PPP4R1: variants seen among roughly 807,000 people sequenced by gnomAD.
The protein encoded by PPP4R1 is serine/threonine-protein phosphatase 4 regulatory subunit 1.
PPP4R1 carries 42 observed loss-of-function variants against 111.2 expected under a neutral mutation model. The observed-to-expected ratio is 0.38, with a 90% confidence interval of 0.29 to 0.49. The LOEUF is 0.49. Ranked by LOEUF, PPP4R1 falls within the 20% of genes least tolerant of loss-of-function variation. The pLI is 0.97. For synonymous variants in PPP4R1, 409 were observed against 405.5 expected (o/e 1.01, Z -0.10); for missense variants, 1,012 against 1,161.6 (o/e 0.87, Z 1.87).
chr18:9,562,485 G>A (rs995132577), intron 12 of PPP4R1, among the ~76,000 whole-genome samples: 1 of 151,992 alleles, frequency 6.6e-6, no homozygotes, highest in Non-Finnish European at 1.5e-5. Flanking sequence ...TTATATATAT[G>A]TTAACAGCCA....
At position 9,549,433 on chromosome 18, in the gene PPP4R1, A is replaced by T. The variant is rs918251734; in HGVS notation, c.2548-95T>A. 5 of 1,451,708 alleles carry T rather than the reference A, an allele frequency of 3.4e-6. No homozygotes were observed. The African/African-American group carries it at 7.1e-5, about 21-fold the overall frequency. The allele number at this position is 1,451,708 out of a possible 1,614,324, so 89.9% of individuals were successfully genotyped here. A position where few individuals can be genotyped will look rare whatever the true frequency, so the allele number is the denominator to read the frequency against. On this transcript the variant is annotated intron_variant, in intron 18 of 19. Transcript: ENST00000400556. The stretch of plus-strand genomic sequence containing the variant: ...AAATCTCTGAGTGACCACAGGTACA[A>T]ATTTTAGTTATTGCTTTTTAACCAA...
chr18:9,594,260 T>G (rs2067257348), intron 3 of PPP4R1: 1 of 154,658 alleles, frequency 6.5e-6, no homozygotes, highest in Non-Finnish European at 1.4e-5. Flanking sequence ...ACAAAATCTG[T>G]ATATTTTTTA....
In PPP4R1 at chr18:9,588,692, A is replaced by G. The variant is rs760472399; in HGVS notation, c.438+19T>C. 1 of 1,585,158 alleles carries G rather than the reference A, an allele frequency of 6.3e-7. No homozygotes were observed. The highest frequency in any genetic ancestry group is 1.1e-5 in the South Asian group (1 of 88,352). Reference sequence around the variant, plus strand: ...CACTACGTAAATTTCTTTTAAGAACATATAAATGGTACTCTTACCTGATTA... The same window carrying G: ...CACTACGTAAATTTCTTTTAAGAACGTATAAATGGTACTCTTACCTGATTA... On this transcript the variant is annotated intron_variant, in intron 5 of 19. Coordinates refer to ENST00000400556, the MANE Select transcript of PPP4R1 (RefSeq NM_001042388.3).
intron 2 of PPP4R1, among the ~76,000 whole-genome samples, chr18:9,607,757 AAC>A (rs976763755): frequency 6.6e-6 from 1 of 151,882 alleles, no homozygotes; most frequent in Non-Finnish European, 1.5e-5. Context: ...CACTTTGGAA[AAC>A]AGTTTGGCAG....
rs367632455 is a variant in PPP4R1, at chr18:9,562,028, G to A, written c.1794C>T (p.Ser598=). The A allele has an allele frequency of 1.9e-6, 3 of 1,613,150 alleles. No individual in the cohort carries two copies. In the African/African-American group the frequency reaches 4.0e-5, roughly 22 times the overall value. Residue 598 remains serine, a synonymous_variant, in exon 13 of 20, where the codon AGC becomes AGT. Transcript: ENST00000400556. ...CATCAGGGCTAAAACTGCTATTGTTGCTCAAGTCTGAATCGCTGTGAATAT... is the reference window on the plus strand; with the variant it reads ...CATCAGGGCTAAAACTGCTATTGTTACTCAAGTCTGAATCGCTGTGAATAT... The part of the protein sequence containing the change: ...LHYIHSDSDL[S]NNSSFSPDEE...
At chr18:9,579,424 A>G (rs2066989106) in intron 9 of PPP4R1, among the ~76,000 whole-genome samples, 1 of 152,192 alleles carries the variant, frequency 6.6e-6, no homozygotes, top group Non-Finnish European at 1.5e-5. Context: ...GGGACAATAC[A>G]GTAGATTATA....
chr18:9,587,645 A>T (rs1400801368), intron 6 of PPP4R1: 1 of 152,818 alleles, frequency 6.5e-6, no homozygotes, highest in Non-Finnish European at 1.5e-5. Context: ...GTCTCAAGTG[A>T]TCCTCCCACC....
Position 9,595,156 on chromosome 18 carries a change from A to G in PPP4R1, c.53-3T>C. The G allele has an allele frequency of 6.2e-7, 1 of 1,613,330 alleles. No homozygotes were observed. Among genetic ancestry groups the G allele is most frequent in the Non-Finnish European group, 8.5e-7 (1 of 1,179,500 alleles). On this transcript the variant is annotated splice_region_variant and splice_polypyrimidine_tract_variant and intron_variant, in intron 2 of 19. Coordinates refer to ENST00000400556, the MANE Select transcript of PPP4R1 (RefSeq NM_001042388.3). Reference sequence around the variant, plus strand: ...TGAGCTGTAGTCATCCACACCAACTATCAGAGACATCAGAAATACTCCTTA... The same window carrying G: ...TGAGCTGTAGTCATCCACACCAACTGTCAGAGACATCAGAAATACTCCTTA...
chr18:9,602,735 C>A (rs189831026), intron 2 of PPP4R1, among the ~76,000 whole-genome samples: 1 of 150,282 alleles, frequency 6.7e-6, no homozygotes, highest in African/African-American at 2.5e-5. Context: ...ACAGGAGAAT[C>A]GCTTCAAACC....
Position 9,550,402 on chromosome 18 carries a change from C to CA in PPP4R1, c.2292-5dup. 6.3e-7 allele frequency: 1 copy of CA among 1,574,946 alleles called. No individual in the cohort carries two copies. The highest frequency in any genetic ancestry group is 8.6e-7 in the Non-Finnish European group (1 of 1,159,954). ...CTCTAGAAGTAAAATCAGCTGTCTA[C>CA]AAAAAGGAATTACAAAAAGACAATG... On this transcript the variant is annotated splice_polypyrimidine_tract_variant and splice_region_variant and intron_variant, in intron 16 of 19. Coordinates refer to ENST00000400556, the MANE Select transcript of PPP4R1 (RefSeq NM_001042388.3).
chr18:9,562,211 T>C lies in PPP4R1; in HGVS notation c.1747-136A>G, dbSNP rs1256014533. Reference sequence around the variant, plus strand: ...AATTCCTCATGTTTTTAAAAGCTTATAAACATACCTAAGAACCTACCCTAC... The same window carrying C: ...AATTCCTCATGTTTTTAAAAGCTTACAAACATACCTAAGAACCTACCCTAC... On this transcript the variant is annotated intron_variant, in intron 12 of 19. Transcript: ENST00000400556. 3 of 631,402 alleles carry C rather than the reference T, an allele frequency of 4.8e-6. No individual in the cohort carries two copies. In the South Asian group the frequency reaches 7.2e-5, roughly 15 times the overall value. 39.1% of individuals were successfully genotyped at this position (631,402 alleles called of 1,614,324 possible).
intron 15 of PPP4R1, among the ~76,000 whole-genome samples, chr18:9,555,408 T>C (rs890830135): frequency 6.6e-6 from 1 of 152,172 alleles, no homozygotes; most frequent in African/African-American, 2.4e-5. Flanking sequence ...GAACCATGTA[T>C]AGATGCCTGG....
intron 14 of PPP4R1, among the ~76,000 whole-genome samples, chr18:9,558,527 C>T (rs329020): frequency 0.8 from 121,238 of 151,864 alleles, 48,517 homozygotes; most frequent in Non-Finnish European, 0.81. Context: ...AATTCACTTC[C>T]CCTGGGCCCA....
intron 8 of PPP4R1, among the ~76,000 whole-genome samples, chr18:9,583,978 T>A (rs1319336411): frequency 6.6e-6 from 1 of 152,146 alleles, no homozygotes; most frequent in East Asian, 1.9e-4. Context: ...TCCGTCGGAT[T>A]TCTGGCTATG....
intron 11 of PPP4R1, chr18:9,563,891 G>C (rs2066719100): frequency 5.9e-6 from 1 of 170,468 alleles, no homozygotes; most frequent in African/African-American, 2.4e-5. Context: ...GGTAGTGCAT[G>C]AATCAAACTG....
At chr18:9,566,843 G>T (rs1286409185) in intron 11 of PPP4R1, among the ~76,000 whole-genome samples, 1 of 152,182 alleles carries the variant, frequency 6.6e-6, no homozygotes, top group Non-Finnish European at 1.5e-5. Flanking sequence ...TAAGCCCACT[G>T]TTGAGACCTA....
intron 13 of PPP4R1, among the ~76,000 whole-genome samples, chr18:9,560,992 C>T (rs12970116): frequency 0.22 from 33,439 of 151,732 alleles, 4,052 homozygotes; most frequent in Non-Finnish European, 0.26. Flanking sequence ...CTGAGGTGGG[C>T]GGATCACTTG....
At chr18:9,583,835 G>C (rs536878389) in intron 8 of PPP4R1, among the ~76,000 whole-genome samples, 1 of 151,472 alleles carries the variant, frequency 6.6e-6, no homozygotes, top group African/African-American at 2.4e-5. Flanking sequence ...TAAATTTTAA[G>C]TTATTTCTTA....
intron 2 of PPP4R1, among the ~76,000 whole-genome samples, chr18:9,610,752 C>T (rs941939718): frequency 2.6e-5 from 4 of 152,180 alleles, no homozygotes; most frequent in Non-Finnish European, 5.9e-5. Flanking sequence ...AGCCACTGCA[C>T]CCAGCCTATT....
Sources: gnomAD v4.1 joint callset for allele counts (sites outside exome capture counted in the v4.1 genomes callset) on GRCh38, gnomAD v4.1.1 for gene constraint, MANE v1.5 for transcripts, NCBI Gene and HGNC (gene_info 2026-07-23, HGNC 2026-07-21) for gene names.